Variants in KHDRBS2 observed in about 807,000 individuals in gnomAD.
The protein encoded by KHDRBS2 is KH domain-containing, RNA-binding, signal transduction-associated protein 2.
In KHDRBS2, 26 loss-of-function variants were observed where a neutral mutation model predicts 44.3. The ratio of observed to expected loss-of-function variants is 0.59; its 90% CI spans 0.43 to 0.81. The LOEUF (loss-of-function observed/expected upper bound fraction) is 0.81, where lower values mean the gene tolerates loss of function less well. KHDRBS2 is among the 40% of genes least tolerant of loss of function. The pLI is 0.00. For synonymous variants in KHDRBS2, 194 were observed against 151.1 expected (o/e 1.28, Z -2.08); for missense variants, 476 against 433.1 (o/e 1.10, Z -0.88).
intron 1 of KHDRBS2, among the ~76,000 whole-genome samples, chr6:62,234,986 T>TA (rs898551520): frequency 2.7e-5 from 4 of 149,128 alleles, no homozygotes; most frequent in East Asian, 2.0e-4. Context: ...TTATTCATGA[T>TA]AAAAAATGAA....
At chr6:61,545,854 C>T in the KHDRBS2 span, among the ~76,000 whole-genome samples, 30 of 152,142 alleles carry the variant, frequency 2.0e-4, no homozygotes, top group African/African-American at 7.0e-4. Flanking sequence ...TCATGAGTGC[C>T]TGCACCAAGG....
At chr6:62,004,343 T>C (rs1179423372) in intron 3 of KHDRBS2, among the ~76,000 whole-genome samples, 2 of 151,898 alleles carry the variant, frequency 1.3e-5, no homozygotes, top group African/African-American at 2.4e-5. Context: ...CCCACAGAAA[T>C]ACAAACTACC....
chr6:61,813,897 A>C, intron 6 of KHDRBS2: 1 of 455,836 alleles, frequency 2.2e-6, no homozygotes, highest in Non-Finnish European at 4.4e-6. Context: ...CTTTGCCTCC[A>C]TTATTACTCC....
chr6:61,825,771 G>C (rs1790759280), intron 6 of KHDRBS2, among the ~76,000 whole-genome samples: 1 of 152,086 alleles, frequency 6.6e-6, no homozygotes, highest in Non-Finnish European at 1.5e-5. Context: ...ATGTGGGCTA[G>C]GGAAAGCGAC....
intron 3 of KHDRBS2, among the ~76,000 whole-genome samples, chr6:62,043,861 TA>T: frequency 6.6e-6 from 1 of 152,086 alleles, no homozygotes; most frequent in African/African-American, 2.4e-5. Flanking sequence ...GAAGTATTAT[TA>T]GATCCACAAA....
intron 2 of KHDRBS2, among the ~76,000 whole-genome samples, chr6:62,160,417 G>A (rs1306099783): frequency 6.6e-6 from 1 of 152,004 alleles, no homozygotes; most frequent in Non-Finnish European, 1.5e-5. Context: ...AATATATGAG[G>A]GCCAAGTGTT....
intron 1 of KHDRBS2, among the ~76,000 whole-genome samples, chr6:62,223,833 C>A (rs1831306410): frequency 6.6e-6 from 1 of 152,178 alleles, no homozygotes; most frequent in Non-Finnish European, 1.5e-5. Flanking sequence ...CCATCTGAGA[C>A]CACCTCAGCC....
At chr6:61,574,487 A>C in the KHDRBS2 span, 7 of 1,134,920 alleles carry the variant, frequency 6.2e-6, no homozygotes, top group Middle Eastern at 3.2e-4. Context: ...AACCTACCAA[A>C]CCTGCATTAA....
At chr6:62,076,704 C>T (rs920765006) in intron 2 of KHDRBS2, among the ~76,000 whole-genome samples, 33 of 151,964 alleles carry the variant, frequency 2.2e-4, no homozygotes, top group Admixed American at 2.2e-3. Context: ...GTCTCCATGT[C>T]CTGACACTGA....
At chr6:62,100,279 C>T (rs1487423618) in intron 2 of KHDRBS2, among the ~76,000 whole-genome samples, 3 of 152,176 alleles carry the variant, frequency 2.0e-5, no homozygotes, top group African/African-American at 4.8e-5. Flanking sequence ...TGAGGAATTG[C>T]TTTTTATAAA....
chr6:61,671,465 C>G, the KHDRBS2 span, among the ~76,000 whole-genome samples: 1 of 151,634 alleles, frequency 6.6e-6, no homozygotes, highest in Non-Finnish European at 1.5e-5. Context: ...CTCAATTCCT[C>G]TCATAATAAA....
chr6:61,695,222 A>AAAACAAACAAAC (rs3054865), intron 8 of KHDRBS2, among the ~76,000 whole-genome samples: 4 of 150,406 alleles, frequency 2.7e-5, no homozygotes, highest in Non-Finnish European at 4.4e-5. Flanking sequence ...ACCTCCTGAC[A>AAAACAAACAAAC]AAACAAACAA....
At chr6:61,608,329 C>T in the KHDRBS2 span, among the ~76,000 whole-genome samples, 1 of 51,232 alleles carries the variant, frequency 2.0e-5, no homozygotes, top group African/African-American at 6.1e-5. Context: ...TATATATATA[C>T]ATATGTGTGT....
chr6:62,038,460 A>G (rs1423615385), intron 3 of KHDRBS2, among the ~76,000 whole-genome samples: 6 of 152,032 alleles, frequency 3.9e-5, no homozygotes, highest in Non-Finnish European at 7.4e-5. Flanking sequence ...AACTCTACTC[A>G]AGTAAGGAAT....
chr6:61,940,917 A>C (rs1243188673), intron 4 of KHDRBS2, among the ~76,000 whole-genome samples: 1 of 152,086 alleles, frequency 6.6e-6, no homozygotes, highest in Non-Finnish European at 1.5e-5. Flanking sequence ...GCATCTCCTC[A>C]CCTGCTGGCC....
At chr6:61,685,155 T>C (rs1766688260) in intron 8 of KHDRBS2, among the ~76,000 whole-genome samples, 1 of 151,802 alleles carries the variant, frequency 6.6e-6, no homozygotes, top group African/African-American at 2.4e-5. Flanking sequence ...TGAACTTGCA[T>C]TGAACTCTAA....
At chr6:62,099,482 G>A (rs551905273) in intron 2 of KHDRBS2, among the ~76,000 whole-genome samples, 1 of 152,240 alleles carries the variant, frequency 6.6e-6, no homozygotes, top group South Asian at 2.1e-4. Context: ...CTAGAGGAGG[G>A]CCAAAGATGG....
intron 6 of KHDRBS2, among the ~76,000 whole-genome samples, chr6:61,885,435 C>T (rs1244106873): frequency 6.6e-6 from 1 of 152,102 alleles, no homozygotes; most frequent in African/African-American, 2.4e-5. Flanking sequence ...CAATTCAAAT[C>T]TTATTTCTCC....
chr6:61,947,237 T>G (rs1307314687), intron 4 of KHDRBS2, among the ~76,000 whole-genome samples: 1 of 152,146 alleles, frequency 6.6e-6, no homozygotes, highest in Non-Finnish European at 1.5e-5. Context: ...AGTCAGTTAA[T>G]GTGAATTGGC....
Sources: gnomAD v4.1 joint callset for allele counts (sites outside exome capture counted in the v4.1 genomes callset) on GRCh38, gnomAD v4.1.1 for gene constraint, MANE v1.5 for transcripts, NCBI Gene and HGNC (gene_info 2026-07-23, HGNC 2026-07-21) for gene names.